EIF4G3: variants seen among roughly 807,000 people sequenced by gnomAD.
EIF4G3 encodes the protein eukaryotic translation initiation factor 4 gamma 3.
EIF4G3 carries 34 observed loss-of-function variants against 186.4 expected under a neutral mutation model. That is an observed-to-expected ratio of 0.18 (90% CI 0.14 to 0.24). EIF4G3 has a LOEUF of 0.24. EIF4G3 is among the 10% of genes least tolerant of loss of function. The pLI is 1.00. For synonymous variants in EIF4G3, 673 were observed against 679.5 expected (o/e 0.99, Z 0.15); for missense variants, 1,536 against 1,948.5 (o/e 0.79, Z 3.99).
rs369204420 is a variant in EIF4G3, at chr1:20,840,820, T to C, written c.4061+36A>G. ...GAAAATTAACTGGTACCCAAGAGCC[T>C]AGTAACTGAATACCACTCTTGAAGA... On this transcript the variant is annotated intron_variant, in intron 30 of 36. Transcript: ENST00000602326. 1.6e-5 allele frequency: 25 copies of C among 1,595,250 alleles called. No individual in the cohort carries two copies. The African/African-American group carries it at 3.4e-4, about 21-fold the overall frequency.
intron 12 of EIF4G3, among the ~76,000 whole-genome samples, chr1:20,951,765 G>C (rs1000211355): frequency 1.3e-5 from 2 of 151,960 alleles, no homozygotes; most frequent in African/African-American, 4.8e-5. Flanking sequence ...GGGGGGCAGG[G>C]TAAGTGCTAA....
Position 20,950,091 on chromosome 1 carries a change from G to A in EIF4G3, c.735C>T (p.Pro245=), listed in dbSNP as rs1406409937. The A allele has an allele frequency of 2.1e-5, 34 of 1,595,578 alleles. No homozygotes were observed. The highest frequency in any genetic ancestry group is 2.7e-5 in the Non-Finnish European group (32 of 1,173,760). Residue 245 remains proline, a synonymous_variant, in exon 13 of 37, where the codon CCC becomes CCT. Coordinates refer to ENST00000602326, the MANE Select transcript of EIF4G3 (RefSeq NM_001391906.1). ...TCCCATAAACCACAGGGCTGTGCTC[G>A]GGGACCTGGCTGGGCAGCTGCTGGG... ...TPPQQLPSQV[P]EHSPVVYGTV...
intron 13 of EIF4G3, among the ~76,000 whole-genome samples, chr1:20,946,667 G>A (rs1046923259): frequency 6.6e-6 from 1 of 152,102 alleles, no homozygotes; most frequent in South Asian, 2.1e-4. Flanking sequence ...TCACAACCAC[G>A]ATTGTTGGGG....
intron 3 of EIF4G3, among the ~76,000 whole-genome samples, chr1:21,087,584 C>T (rs994439131): frequency 2.0e-5 from 3 of 152,112 alleles, no homozygotes; most frequent in Non-Finnish European, 4.4e-5. Context: ...TGCTTGAGCT[C>T]GGGAGTCTGA....
At chr1:20,856,285 A>T (rs1438910453) in intron 25 of EIF4G3, among the ~76,000 whole-genome samples, 4 of 152,238 alleles carry the variant, frequency 2.6e-5, no homozygotes, top group African/African-American at 9.6e-5. Flanking sequence ...CAATTTTCTT[A>T]AAGACTTTTC....
chr1:21,037,367 G>A (rs900524611), intron 4 of EIF4G3, among the ~76,000 whole-genome samples: 1 of 152,124 alleles, frequency 6.6e-6, no homozygotes, highest in Non-Finnish European at 1.5e-5. Context: ...TATGGATCAG[G>A]CACTGCTCGT....
At chr1:21,082,568 A>T (rs954690014) in intron 3 of EIF4G3, among the ~76,000 whole-genome samples, 1 of 152,068 alleles carries the variant, frequency 6.6e-6, no homozygotes, top group African/African-American at 2.4e-5. Context: ...CCTGGGTGAC[A>T]GAGCAAGGTT....
intron 14 of EIF4G3, among the ~76,000 whole-genome samples, chr1:20,925,104 T>TAA (rs1444770635): frequency 6.6e-6 from 1 of 152,224 alleles, no homozygotes; most frequent in Non-Finnish European, 1.5e-5. Flanking sequence ...TGCAAGCACA[T>TAA]ATATGTGTGC....
rs775999206 is a variant in EIF4G3, at chr1:21,111,458, C to T, written c.-271-22245G>A. 2.4e-4 allele frequency: 108 copies of T among 451,352 alleles called. 1 individual carries two copies. Among genetic ancestry groups the T allele is most frequent in the Admixed American group, 9.2e-4 (36 of 39,122 alleles). The allele number at this position is 451,352 out of a possible 1,614,324, so 28.0% of individuals were successfully genotyped here. The stretch of plus-strand genomic sequence containing the variant: ...AGCAGTATTTCATTATTATACATAG[C>T]TCTTCCATAAAGATCATGAGTTTTC... On this transcript the variant is annotated intron_variant, in intron 2 of 36. Coordinates refer to ENST00000602326, the MANE Select transcript of EIF4G3 (RefSeq NM_001391906.1).
chr1:21,010,816 G>T (rs972705913), intron 4 of EIF4G3, among the ~76,000 whole-genome samples: 1 of 152,126 alleles, frequency 6.6e-6, no homozygotes, highest in Non-Finnish European at 1.5e-5. Flanking sequence ...AATATAAAAC[G>T]CTGGAGACAG....
At chr1:21,145,762 T>C (rs912782403) in intron 2 of EIF4G3, among the ~76,000 whole-genome samples, 6 of 152,048 alleles carry the variant, frequency 3.9e-5, no homozygotes, top group African/African-American at 1.4e-4. Flanking sequence ...CTAGCCAATA[T>C]CACAAAATTC....
intron 4 of EIF4G3, among the ~76,000 whole-genome samples, chr1:21,048,913 T>C (rs184431062): frequency 2.2e-4 from 34 of 152,270 alleles, no homozygotes; most frequent in Admixed American, 6.5e-4. Flanking sequence ...ACATATATAC[T>C]ACATCTGAAT....
At chr1:21,116,825 T>A (rs1276643921) in intron 2 of EIF4G3, among the ~76,000 whole-genome samples, 1 of 141,648 alleles carries the variant, frequency 7.1e-6, no homozygotes, top group Non-Finnish European at 1.5e-5. Context: ...GGCGACAGAG[T>A]GAGACTCCTT....
At chr1:21,134,364 T>C (rs1400617650) in intron 2 of EIF4G3, among the ~76,000 whole-genome samples, 1 of 151,940 alleles carries the variant, frequency 6.6e-6, no homozygotes, top group Non-Finnish European at 1.5e-5. Flanking sequence ...ACATATATAG[T>C]AAATATAGAA....
chr1:20,979,119 T>C (rs549094419), intron 10 of EIF4G3, among the ~76,000 whole-genome samples: 9 of 152,208 alleles, frequency 5.9e-5, no homozygotes, highest in Non-Finnish European at 1.3e-4. Context: ...ACTAATTTTA[T>C]CCCTTATTAT....
chr1:21,115,354 A>G (rs2096798688), intron 2 of EIF4G3, among the ~76,000 whole-genome samples: 1 of 152,156 alleles, frequency 6.6e-6, no homozygotes, highest in South Asian at 2.1e-4. Context: ...AGCACACAGT[A>G]TTTTTTACTA....
chr1:20,960,006 G>A (rs888449471), intron 12 of EIF4G3, among the ~76,000 whole-genome samples: 5 of 152,060 alleles, frequency 3.3e-5, no homozygotes, highest in Non-Finnish European at 2.9e-5. Flanking sequence ...GCTAAAAGTA[G>A]ATCTACCATT....
intron 2 of EIF4G3, among the ~76,000 whole-genome samples, chr1:21,138,685 C>A (rs909039963): frequency 4.6e-5 from 7 of 152,080 alleles, no homozygotes; most frequent in Non-Finnish European, 7.4e-5. Flanking sequence ...ATGGCACACG[C>A]CTGTAATCCC....
chr1:20,834,330 G>A (rs985075449), intron 30 of EIF4G3, among the ~76,000 whole-genome samples: 1 of 151,962 alleles, frequency 6.6e-6, no homozygotes, highest in Non-Finnish European at 1.5e-5. Context: ...GCATGGCTGT[G>A]GTCCCAACTA....
Sources: gnomAD v4.1 joint callset for allele counts (sites outside exome capture counted in the v4.1 genomes callset) on GRCh38, gnomAD v4.1.1 for gene constraint, MANE v1.5 for transcripts, NCBI Gene and HGNC (gene_info 2026-07-23, HGNC 2026-07-21) for gene names.